Variants in SKIC3 observed in about 807,000 individuals in gnomAD.
SKIC3 encodes the protein superkiller complex protein 3.
At chr5:95,483,827 G>A in the SKIC3 span, among the ~76,000 whole-genome samples, 1 of 152,132 alleles carries the variant, frequency 6.6e-6, no homozygotes, top group Non-Finnish European at 1.5e-5. Context: ...CACAGAGCCT[G>A]CAAGCATAGA....
At chr5:95,500,558 T>C in the SKIC3 span, among the ~76,000 whole-genome samples, 2 of 152,310 alleles carry the variant, frequency 1.3e-5, no homozygotes, top group East Asian at 3.9e-4. Context: ...TTAGTTATTA[T>C]ACAAATGCTG....
the SKIC3 span, among the ~76,000 whole-genome samples, chr5:95,476,460 T>A: frequency 6.6e-6 from 1 of 152,240 alleles, no homozygotes; most frequent in Non-Finnish European, 1.5e-5. Context: ...TGTCTTATTT[T>A]AATATATCCA....
At chr5:95,469,787 C>A in the SKIC3 span, 2 of 1,614,042 alleles carry the variant, frequency 1.2e-6, no homozygotes, top group Non-Finnish European at 1.7e-6. Context: ...TACCTTGCCC[C>A]CATTTTGCGT....
chr5:95,549,519 GTA>G, the SKIC3 span, among the ~76,000 whole-genome samples: 1 of 151,936 alleles, frequency 6.6e-6, no homozygotes, highest in Non-Finnish European at 1.5e-5. Flanking sequence ...TTCAGTATCT[GTA>G]TGTCTCCATA....
At chr5:95,528,202 TA>T in the SKIC3 span, 10 of 1,611,452 alleles carry the variant, frequency 6.2e-6, no homozygotes, top group East Asian at 2.2e-4. Context: ...CACTTCTGTT[TA>T]TTTTTTCTTT....
the SKIC3 span, among the ~76,000 whole-genome samples, chr5:95,468,809 A>T: frequency 1.3e-5 from 2 of 152,140 alleles, no homozygotes; most frequent in East Asian, 3.9e-4. Flanking sequence ...GTTAACAAAG[A>T]TTATTGGGGT....
At chr5:95,489,379 G>A in the SKIC3 span, among the ~76,000 whole-genome samples, 21 of 151,874 alleles carry the variant, frequency 1.4e-4, no homozygotes, top group Admixed American at 7.2e-4. Context: ...GTAAGCAAAA[G>A]AGCAATGACA....
the SKIC3 span, among the ~76,000 whole-genome samples, chr5:95,465,648 T>A: frequency 6.6e-6 from 1 of 152,218 alleles, no homozygotes; most frequent in African/African-American, 2.4e-5. Flanking sequence ...GCAAACAGCA[T>A]GAACATCAAC....
chr5:95,496,049 G>T, the SKIC3 span, among the ~76,000 whole-genome samples: 575 of 149,966 alleles, frequency 3.8e-3, 4 homozygotes, highest in South Asian at 7.4e-3. Flanking sequence ...ATGGAGTCTT[G>T]CCCTGTCACC....
chr5:95,497,602 T>C, the SKIC3 span: 2 of 756,320 alleles, frequency 2.6e-6, no homozygotes, highest in Non-Finnish European at 4.5e-6. Context: ...AACAAGTTCA[T>C]ATTAATTGCG....
chr5:95,498,003 A>G, the SKIC3 span, among the ~76,000 whole-genome samples: 2 of 152,206 alleles, frequency 1.3e-5, no homozygotes, highest in South Asian at 2.1e-4. Context: ...TCCTTTTATT[A>G]AACTTTTGAA....
the SKIC3 span, among the ~76,000 whole-genome samples, chr5:95,532,547 T>G: frequency 6.6e-6 from 1 of 152,148 alleles, no homozygotes; most frequent in African/African-American, 2.4e-5. Flanking sequence ...CTCTTATTCA[T>G]ACTTATTCTT....
the SKIC3 span, among the ~76,000 whole-genome samples, chr5:95,530,769 T>C: frequency 6.6e-6 from 1 of 152,224 alleles, no homozygotes; most frequent in Non-Finnish European, 1.5e-5. Context: ...ACTATCTTTT[T>C]CTATATAAGT....
At chr5:95,467,911 G>C in the SKIC3 span, 1 of 1,613,502 alleles carries the variant, frequency 6.2e-7, no homozygotes, top group Admixed American at 1.7e-5. Flanking sequence ...GTCTCAGTAG[G>C]TACCAACGTG....
At chr5:95,537,100 C>T in the SKIC3 span, 1,533 of 1,613,588 alleles carry the variant, frequency 9.5e-4, 11 homozygotes, top group African/African-American at 0.017. Context: ...CACTAGGAAT[C>T]TTATCTGATA....
At chr5:95,516,029 A>G in the SKIC3 span, among the ~76,000 whole-genome samples, 1 of 152,256 alleles carries the variant, frequency 6.6e-6, no homozygotes, top group East Asian at 1.9e-4. Context: ...CTCCAACACT[A>G]TCTACATAGG....
the SKIC3 span, among the ~76,000 whole-genome samples, chr5:95,547,752 C>G: frequency 1.1e-4 from 16 of 152,130 alleles, no homozygotes; most frequent in South Asian, 3.1e-3. Context: ...AAGCTAGATC[C>G]AGTAGAATAA....
chr5:95,543,161 A>T, the SKIC3 span: 2 of 1,612,844 alleles, frequency 1.2e-6, no homozygotes, highest in South Asian at 2.2e-5. Flanking sequence ...TCCATAATAC[A>T]GAAAAAAAAA....
the SKIC3 span, chr5:95,516,725 T>C: frequency 1.2e-6 from 2 of 1,613,350 alleles, no homozygotes; most frequent in Non-Finnish European, 1.7e-6. Context: ...ATTATTACTG[T>C]CGAGTCTCAC....
Sources: gnomAD v4.1 joint callset for allele counts (sites outside exome capture counted in the v4.1 genomes callset) on GRCh38, gnomAD v4.1.1 for gene constraint, MANE v1.5 for transcripts, NCBI Gene and HGNC (gene_info 2026-07-23, HGNC 2026-07-21) for gene names.